Variants in ABI1 observed in about 807,000 individuals in gnomAD.
ABI1 encodes abl interactor 1, also known as Abelson interactor 1.
Under a neutral mutation model 54.6 loss-of-function variants are expected in ABI1, and 14 were observed. The ratio of observed to expected loss-of-function variants is 0.26; its 90% CI spans 0.17 to 0.40. The LOEUF is 0.40. ABI1 is among the 10% of genes least tolerant of loss of function. ABI1 has a pLI of 1.00. For missense variants in ABI1, 443 were observed against 598.3 expected, an observed-to-expected ratio of 0.74 and a Z score of 2.71; for synonymous variants, 194 against 209.3, an observed-to-expected ratio of 0.93 and a Z score of 0.63.
At chr10:26,814,983 T>TAATC (rs2047467762) in intron 2 of ABI1, among the ~76,000 whole-genome samples, 2 of 152,154 alleles carry the variant, frequency 1.3e-5, no homozygotes. Flanking sequence ...AATTGGCACA[T>TAATC]AATCTATGCT....
chr10:26,788,462 G>C (rs1842979301), intron 2 of ABI1, among the ~76,000 whole-genome samples: 1 of 152,112 alleles, frequency 6.6e-6, no homozygotes, highest in Non-Finnish European at 1.5e-5. Context: ...CTGCAATTAA[G>C]ATAAAGCATT....
chr10:26,761,661 T>TATATATATACATACACAC (rs1375832167), intron 7 of ABI1, among the ~76,000 whole-genome samples: 1 of 78,940 alleles, frequency 1.3e-5, no homozygotes, highest in African/African-American at 5.2e-5. Flanking sequence ...TATATATATA[T>TATATATATACATACACAC]ACACACACAC....
chr10:26,771,115 G>C, intron 3 of ABI1, 26 bp from the exon 4 acceptor site: 6 of 1,612,846 alleles, frequency 3.7e-6, no homozygotes, highest in Non-Finnish European at 5.1e-6. Flanking sequence ...AAAAGGGGGG[G>C]AAAAAGTAGA....
Position 26,837,429 on chromosome 10 carries a change from C to G in ABI1, c.118-14124G>C, listed in dbSNP as rs554625675. 1.2e-3 allele frequency among the ~76,000 whole-genome samples: 179 copies of G among 143,970 alleles called. 1 individual carries two copies. In the South Asian group the frequency reaches 0.016, roughly 13 times the overall value. The allele number at this position is 143,970 out of a possible 152,430, so 94.4% of individuals were successfully genotyped here. A position where few individuals can be genotyped will look rare whatever the true frequency, so the allele number is the denominator to read the frequency against. On this transcript the variant is annotated intron_variant, in intron 1 of 10. Coordinates refer to ENST00000376140, the MANE Select transcript of ABI1 (RefSeq NM_001012750.3). ...TTCACCTCCTTAAAGGCCCTAGCTC[C>G]AACACAGTCACATGGTGGGGGAGAC...
intron 1 of ABI1, among the ~76,000 whole-genome samples, chr10:26,850,397 C>A (rs1354679942): frequency 1.3e-5 from 2 of 151,784 alleles, no homozygotes; most frequent in African/African-American, 4.8e-5. Context: ...TGGTGGCTCA[C>A]GCCTGTAATC....
At chr10:26,824,131 A>G (rs1476123918) in intron 1 of ABI1, among the ~76,000 whole-genome samples, 3 of 152,230 alleles carry the variant, frequency 2.0e-5, no homozygotes, top group Non-Finnish European at 4.4e-5. Flanking sequence ...AAGCTCACCA[A>G]AAAAGCAATG....
At chr10:26,796,918 T>A (rs1844253900) in intron 2 of ABI1, among the ~76,000 whole-genome samples, 1 of 152,150 alleles carries the variant, frequency 6.6e-6, no homozygotes, top group African/African-American at 2.4e-5. Flanking sequence ...GACATAAGGT[T>A]CACAATAGGG....
intron 1 of ABI1, among the ~76,000 whole-genome samples, chr10:26,838,483 G>A (rs541349108): frequency 2.2e-4 from 33 of 152,284 alleles, no homozygotes; most frequent in African/African-American, 7.9e-4. Context: ...GTAAGCCTAC[G>A]ACAGTAGACC....
intron 3 of ABI1, among the ~76,000 whole-genome samples, chr10:26,773,202 T>C (rs1840925956): frequency 6.7e-6 from 1 of 150,022 alleles, no homozygotes; most frequent in African/African-American, 2.5e-5. Context: ...GCACTAAATG[T>C]CTAATGCTAA....
At chr10:26,841,676 T>A (rs560048482) in intron 1 of ABI1, among the ~76,000 whole-genome samples, 1 of 152,188 alleles carries the variant, frequency 6.6e-6, no homozygotes, top group South Asian at 2.1e-4. Context: ...AGATTCCACA[T>A]ATGAGATCAT....
rs1477233997 is a variant in ABI1, at chr10:26,778,505, A to G, written c.286-1264T>C. ...GAACTGAAGTAGGAAAAAGAAAAAA[A>G]AAAAAAAAGGTACTCCCATGGAAAA... On this transcript the variant is annotated intron_variant, in intron 2 of 10. Transcript: ENST00000376140. 7.9e-5 allele frequency among the ~76,000 whole-genome samples: 12 copies of G among 152,070 alleles called. No individual in the cohort carries two copies. In the East Asian group the frequency reaches 2.3e-3, roughly 29 times the overall value.
chr10:26,768,114 T>A (rs1393662522), intron 6 of ABI1, among the ~76,000 whole-genome samples: 1 of 152,078 alleles, frequency 6.6e-6, no homozygotes, highest in African/African-American at 2.4e-5. Flanking sequence ...TAAAAAAATC[T>A]CCCTCAGATT....
intron 2 of ABI1, among the ~76,000 whole-genome samples, chr10:26,813,971 C>A (rs553397604): frequency 2.6e-5 from 4 of 152,272 alleles, no homozygotes; most frequent in African/African-American, 9.6e-5. Context: ...AGGTTCCTAA[C>A]AAAACATCTG....
chr10:26,761,575 G>T, intron 7 of ABI1, among the ~76,000 whole-genome samples: 1 of 137,858 alleles, frequency 7.3e-6, no homozygotes, highest in East Asian at 2.1e-4. Context: ...CCCCCACAAG[G>T]TGTATGTTAA....
At chr10:26,750,425 C>T (rs768842770) in intron 10 of ABI1, among the ~76,000 whole-genome samples, 16 of 152,176 alleles carry the variant, frequency 1.1e-4, no homozygotes, top group Non-Finnish European at 1.9e-4. Context: ...ACCTGGGAGG[C>T]GGAAGTTGCA....
At chr10:26,773,938 A>T (rs2132828682) in intron 3 of ABI1, among the ~76,000 whole-genome samples, 1 of 152,300 alleles carries the variant, frequency 6.6e-6, no homozygotes, top group South Asian at 2.1e-4. Context: ...CCAATAATAA[A>T]ATCTAACAAC....
intron 1 of ABI1, among the ~76,000 whole-genome samples, chr10:26,842,899 C>T (rs2049635508): frequency 6.6e-6 from 1 of 151,942 alleles, no homozygotes; most frequent in South Asian, 2.1e-4. Flanking sequence ...TAAAAATTAG[C>T]CGGGCATGGT....
At chr10:26,771,173 AG>A in intron 3 of ABI1, 84 bp from the exon 4 acceptor site, 5 of 1,434,904 alleles carry the variant, frequency 3.5e-6, no homozygotes, top group Admixed American at 1.7e-5. Flanking sequence ...TTACATTTAC[AG>A]TTACTCAATT....
intron 9 of ABI1, among the ~76,000 whole-genome samples, chr10:26,752,869 A>G (rs1837808389): frequency 6.6e-6 from 1 of 152,194 alleles, no homozygotes; most frequent in Non-Finnish European, 1.5e-5. Context: ...AATTTCTTTA[A>G]AAGTTCAAAA....
Sources: allele counts gnomAD v4.1 joint callset (sites outside exome capture counted in the v4.1 genomes callset), GRCh38; gene constraint gnomAD v4.1.1; transcripts MANE v1.5; gene names NCBI Gene and HGNC (gene_info 2026-07-23, HGNC 2026-07-21).